The following PTGER1 variants were observed in gnomAD, a reference collection of about 807,000 sequenced individuals.
The protein encoded by PTGER1 is prostaglandin E receptor 1.
In PTGER1, 15 loss-of-function variants were observed where a neutral mutation model predicts 18.5. The observed-to-expected ratio is 0.81, with a 90% confidence interval of 0.54 to 1.25. The LOEUF (loss-of-function observed/expected upper bound fraction) is 1.25. Ranked by LOEUF, PTGER1 falls within the 50% of genes most tolerant of loss-of-function variation. The pLI, the probability that PTGER1 is intolerant of heterozygous loss-of-function variation, is 0.00. For missense variants in PTGER1, 567 were observed against 603.4 expected, an observed-to-expected ratio of 0.94 and a Z score of 0.63; for synonymous variants, 339 against 308.4, an observed-to-expected ratio of 1.10 and a Z score of -1.04.
Position 14,472,613 on chromosome 19 carries a change from A to G in PTGER1, c.1156T>C (p.Trp386Arg). ...PAGLGLTPSA[W>R]EASSLRSSRH... ...GAGCTGCGCAGCGAGCTGGCCTCCC[A>G]GGCGCTCGGTGTTAGGCCCAGCCCC... is the stretch of plus-strand genomic sequence containing the variant. Residue 386 changes from tryptophan (W) to arginine (R), a missense_variant, in exon 3 of 3, where the codon TGG (tryptophan) becomes CGG (arginine). Trp to Arg is a moderately radical substitution (Grantham distance 101). Transcript: ENST00000292513. The G allele has an allele frequency of 6.2e-7, 1 of 1,601,606 alleles. No individual in the cohort carries two copies.
chr19:14,474,316 C>T lies in PTGER1; in HGVS notation c.5G>A (p.Ser2Asn), dbSNP rs776465695. The part of the protein sequence containing the change: M[S>N]PCGPLNLSLA... ...GCTCAGGTTGAGGGGCCCGCAAGGG[C>T]TCATGTCAGGCGCCAGGGGTGCTGG... Residue 2 changes from serine (S) to asparagine (N), a missense_variant, in exon 2 of 3, where the codon AGC becomes AAC. Coordinates refer to ENST00000292513, the MANE Select transcript of PTGER1 (RefSeq NM_000955.3). The surrounding 1 kb of genome is among the most constrained non-coding windows in gnomAD (Gnocchi z 5.4). The T allele has an allele frequency of 6.6e-7, 1 of 1,525,770 alleles. No homozygotes were observed. The highest frequency in any genetic ancestry group is 1.4e-5 in the African/African-American group (1 of 71,886). The allele number at this position is 1,525,770 out of a possible 1,614,324, so 94.5% of individuals were successfully genotyped here.
rs968396650 is a variant in PTGER1, at chr19:14,474,514, C to G, written c.-17-177G>C. On this transcript the variant is annotated intron_variant, in intron 1 of 2. Transcript: ENST00000292513. The surrounding 1 kb of genome is among the most constrained non-coding windows in gnomAD (Gnocchi z 5.4). Reference sequence around the variant, plus strand: ...TGACCTGGCCACTCCATTTGGAAACCCTTCTCCCTCTCTTTTGCCTCTCAC... The same window carrying G: ...TGACCTGGCCACTCCATTTGGAAACGCTTCTCCCTCTCTTTTGCCTCTCAC... 2.6e-5 allele frequency among the ~76,000 whole-genome samples: 4 copies of G among 152,072 alleles called. No individual in the cohort carries two copies. The highest frequency in any genetic ancestry group is 7.2e-5 in the African/African-American group (3 of 41,396).
chr19:14,474,387 G>C lies in PTGER1; in HGVS notation c.-17-50C>G. 7.0e-7 allele frequency: 1 copy of C among 1,425,294 alleles called. No homozygotes were observed. The allele number at this position is 1,425,294 out of a possible 1,614,324, so 88.3% of individuals were successfully genotyped here. On this transcript the variant is annotated intron_variant, in intron 1 of 2. Coordinates refer to ENST00000292513, the MANE Select transcript of PTGER1 (RefSeq NM_000955.3). This position sits in a 1 kb window ranked among gnomAD's most constrained non-coding sequence, Gnocchi z 5.4. ...GTGAGGCTGGCTGGGCCCGGGCGGG[G>C]ACCAGCCCACGGTGCCATCTCAGAA...
At position 14,474,284 on chromosome 19, in the gene PTGER1, CCG is replaced by C; in HGVS notation, c.35_36del (p.Ala12GlyfsTer168). On this transcript the variant is annotated frameshift_variant, in exon 2 of 3. Coordinates refer to ENST00000292513, the MANE Select transcript of PTGER1 (RefSeq NM_000955.3). LOFTEE classifies it high-confidence loss of function. The surrounding 1 kb of genome is among the most constrained non-coding windows in gnomAD (Gnocchi z 5.4). ...GGCGCCGCGCATGTGGTCGCCTCGC[CCG>C]CCAGGCTCAGGTTGAGGGGCCCGCA... Reference protein sequence around the residue: ...SPCGPLNLSLAGEATTCAAPW... With the variant: ...SPCGPLNLSLXGEATTCAAPW... The C allele has an allele frequency of 6.5e-7, 1 of 1,531,012 alleles. No homozygotes were observed. Among genetic ancestry groups the C allele is most frequent in the African/African-American group, 1.4e-5 (1 of 72,504 alleles). The allele number at this position is 1,531,012 out of a possible 1,614,324, so 94.8% of individuals were successfully genotyped here. A position where few individuals can be genotyped will look rare whatever the true frequency, so the allele number is the denominator to read the frequency against.
chr19:14,472,586 G>C lies in PTGER1; in HGVS notation c.1183C>G (p.Arg395Gly), dbSNP rs750644173. 6.3e-7 allele frequency: 1 copy of C among 1,593,628 alleles called. No individual in the cohort carries two copies. The highest frequency in any genetic ancestry group is 2.2e-5 in the East Asian group (1 of 44,500). Residue 395 changes from arginine to glycine, a missense_variant, in exon 3 of 3, where the codon CGG becomes GGG. Physicochemically the swap from Arg to Gly is moderately radical, Grantham distance 125 (BLOSUM62 -2). Coordinates refer to ENST00000292513, the MANE Select transcript of PTGER1 (RefSeq NM_000955.3). ...AWEASSLRSS[R>G]HSGLSHF ...TAGAAGTGGCTGAGGCCGCTGTGCC[G>C]GGAGCTGCGCAGCGAGCTGGCCTCC...
chr19:14,473,586 T>C lies in PTGER1; in HGVS notation c.735A>G (p.Ser245=). 6.7e-7 allele frequency: 1 copy of C among 1,489,442 alleles called. No individual in the cohort carries two copies. The highest frequency in any genetic ancestry group is 8.9e-7 in the Non-Finnish European group (1 of 1,128,318). The allele number at this position is 1,489,442 out of a possible 1,614,324, so 92.3% of individuals were successfully genotyped here. ...CCCAGCGACGCCGGCTGTCGGGGCC[T>C]GAGGCCGGGGGAGGCCGTCGGGAGC... ...RRRSRRPPPA[S]GPDSRRRWGA... is the part of the protein sequence containing the mutation. Residue 245 remains serine, a synonymous_variant, in exon 2 of 3, where the codon TCA becomes TCG. Transcript: ENST00000292513. This position sits in a 1 kb window ranked among gnomAD's most constrained non-coding sequence, Gnocchi z 7.1.
In PTGER1 at chr19:14,472,493, G is replaced by C; in HGVS notation, c.*67C>G. On this transcript the variant is annotated 3_prime_UTR_variant, in exon 3 of 3. Coordinates refer to ENST00000292513, the MANE Select transcript of PTGER1 (RefSeq NM_000955.3). The stretch of plus-strand genomic sequence containing the variant: ...GCAGAATGGCTTTTTATTCCCAAAG[G>C]CTCTGCGCCGCGCACCTGGGCCCAG... The C allele has an allele frequency of 9.6e-6, 14 of 1,464,324 alleles. No individual in the cohort carries two copies. The highest frequency in any genetic ancestry group is 2.8e-5 in the South Asian group (2 of 70,892). The allele number at this position is 1,464,324 out of a possible 1,614,324, so 90.7% of individuals were successfully genotyped here. A position where few individuals can be genotyped will look rare whatever the true frequency, so the allele number is the denominator to read the frequency against.
Position 14,473,370 on chromosome 19 carries a change from G to A in PTGER1, c.942+9C>T, listed in dbSNP as rs1325066197. ...GGAGCGTGGCTCGAGGGGCCGGTGC[G>A]CCCCTCACCAGCATTGGGCTCCAGC... On this transcript the variant is annotated intron_variant, in intron 2 of 2. Coordinates refer to ENST00000292513, the MANE Select transcript of PTGER1 (RefSeq NM_000955.3). This position sits in a 1 kb window ranked among gnomAD's most constrained non-coding sequence, Gnocchi z 7.1. 10 of 1,567,266 alleles carry A rather than the reference G, an allele frequency of 6.4e-6. No individual in the cohort carries two copies. Among genetic ancestry groups the A allele is most frequent in the East Asian group, 2.4e-5 (1 of 41,458 alleles).
At position 14,473,561 on chromosome 19, in the gene PTGER1, C is replaced by T; in HGVS notation, c.760G>A (p.Gly254Arg). ...ASGPDSRRRW[G>R]AHGPRSASAS... ...GAGGCCGAGCGGGGTCCGTGCGCCC[C>T]CCAGCGACGCCGGCTGTCGGGGCCT... Residue 254 changes from glycine (G) to arginine (R), a missense_variant, in exon 2 of 3, where the codon GGG (glycine) becomes AGG (arginine). Physicochemically the swap from Gly to Arg is moderately radical, Grantham distance 125. Transcript: ENST00000292513. This position sits in a 1 kb window ranked among gnomAD's most constrained non-coding sequence, Gnocchi z 7.1. The T allele has an allele frequency of 6.6e-7, 1 of 1,513,398 alleles. No homozygotes were observed. Among genetic ancestry groups the T allele is most frequent in the Non-Finnish European group, 8.8e-7 (1 of 1,137,410 alleles). The allele number at this position is 1,513,398 out of a possible 1,614,324, so 93.7% of individuals were successfully genotyped here.
Position 14,473,527 on chromosome 19 carries a change from G to C in PTGER1, c.794C>G (p.Ser265Cys). The change falls in exon 2 of 3, where the codon TCC (serine) becomes TGC (cysteine). Residue 265 changes from serine to cysteine, a missense_variant. Coordinates refer to ENST00000292513, the MANE Select transcript of PTGER1 (RefSeq NM_000955.3). This position sits in a 1 kb window ranked among gnomAD's most constrained non-coding sequence, Gnocchi z 7.1. Reference protein sequence around the residue: ...AHGPRSASASSASSIASASTF... With the variant: ...AHGPRSASASCASSIASASTF... The stretch of plus-strand genomic sequence containing the variant: ...GGAGGCCGAAGCGATGGACGAGGCG[G>C]ACGAGGCGGAGGCCGAGCGGGGTCC... 2 of 1,561,462 alleles carry C rather than the reference G, an allele frequency of 1.3e-6. No homozygotes were observed. The highest frequency in any genetic ancestry group is 1.7e-6 in the Non-Finnish European group (2 of 1,158,682).
chr19:14,474,397 C>T lies in PTGER1; in HGVS notation c.-17-60G>A, dbSNP rs2071596254. The T allele has an allele frequency of 2.1e-5, 30 of 1,401,122 alleles. No individual in the cohort carries two copies. The South Asian group carries it at 4.0e-4, about 19-fold the overall frequency. 86.8% of individuals were successfully genotyped at this position (1,401,122 alleles called of 1,614,324 possible). A position where few individuals can be genotyped will look rare whatever the true frequency, so the allele number is the denominator to read the frequency against. ...CTGGGCCCGGGCGGGGACCAGCCCA[C>T]GGTGCCATCTCAGAACATCAGGGCC... is the stretch of plus-strand genomic sequence containing the variant. On this transcript the variant is annotated intron_variant, in intron 1 of 2. Transcript: ENST00000292513. The surrounding 1 kb of genome is among the most constrained non-coding windows in gnomAD (Gnocchi z 5.4).
chr19:14,474,020 C>T lies in PTGER1; in HGVS notation c.301G>A (p.Ala101Thr). ...PGALVLRLYT[A>T]GRAPAGGACH... The stretch of plus-strand genomic sequence containing the variant: ...GCCCCGCCGGCCGGAGCGCGCCCCG[C>T]AGTGTACAGACGCAGCACCAGCGCG... Residue 101 changes from alanine to threonine, a missense_variant, in exon 2 of 3, where the codon GCG becomes ACG. By Grantham distance (58) the Ala-to-Thr change is moderately conservative. Transcript: ENST00000292513. This position sits in a 1 kb window ranked among gnomAD's most constrained non-coding sequence, Gnocchi z 5.4. 1 of 1,501,872 alleles carries T rather than the reference C, an allele frequency of 6.7e-7. No homozygotes were observed. The highest frequency in any genetic ancestry group is 2.7e-5 in the East Asian group (1 of 36,460). 93.0% of individuals were successfully genotyped at this position (1,501,872 alleles called of 1,614,324 possible).
At position 14,472,631 on chromosome 19, in the gene PTGER1, C is replaced by T. The variant is rs2071575999; in HGVS notation, c.1138G>A (p.Gly380Ser). ...AGAKGGPAGL[G>S]LTPSAWEASS... ...GCCTCCCAGGCGCTCGGTGTTAGGC[C>T]CAGCCCCGCGGGGCCGCCCTTGGCT... The change falls in exon 3 of 3, where the codon GGC (glycine) becomes AGC (serine). Residue 380 changes from glycine to serine, a missense_variant. Transcript: ENST00000292513. 1.2e-6 allele frequency: 2 copies of T among 1,606,080 alleles called. No homozygotes were observed. The highest frequency in any genetic ancestry group is 2.7e-5 in the African/African-American group (2 of 74,826).
At position 14,475,273 on chromosome 19, in the gene PTGER1, T is replaced by G. The variant is rs2071601194; in HGVS notation, c.-29A>C. On this transcript the variant is annotated 5_prime_UTR_variant, in exon 1 of 3. Coordinates refer to ENST00000292513, the MANE Select transcript of PTGER1 (RefSeq NM_000955.3). ...TGCAACCCCCTTACCCGGCACTGCC[T>G]GGGATGTGGGGTCCCCATCACCGGC... The G allele has an allele frequency of 6.6e-6, 1 of 152,400 alleles. No individual in the cohort carries two copies. The highest frequency in any genetic ancestry group is 1.5e-5 in the Non-Finnish European group (1 of 68,168). The allele number at this position is 152,400 out of a possible 1,614,324, so 9.4% of individuals were successfully genotyped here. A position where few individuals can be genotyped will look rare whatever the true frequency, so the allele number is the denominator to read the frequency against.
rs2071595891 is a variant in PTGER1, at chr19:14,474,343, TAGAGG to T, written c.-17-11_-17-7del. On this transcript the variant is annotated splice_polypyrimidine_tract_variant and splice_region_variant and intron_variant, in intron 1 of 2. Transcript: ENST00000292513. This position sits in a 1 kb window ranked among gnomAD's most constrained non-coding sequence, Gnocchi z 5.4. ...CATGTCAGGCGCCAGGGGTGCTGGATAGAGGAGAGGAGGGCAGAGTGAGGCTGGCT... is the reference window on the plus strand; with the variant it reads ...CATGTCAGGCGCCAGGGGTGCTGGATAGAGGAGGGCAGAGTGAGGCTGGCT... 1.3e-6 allele frequency: 2 copies of T among 1,501,566 alleles called. No homozygotes were observed. The highest frequency in any genetic ancestry group is 1.2e-5 in the South Asian group (1 of 81,372). 93.0% of individuals were successfully genotyped at this position (1,501,566 alleles called of 1,614,324 possible). A position where few individuals can be genotyped will look rare whatever the true frequency, so the allele number is the denominator to read the frequency against.
chr19:14,472,521 C>T lies in PTGER1; in HGVS notation c.*39G>A, dbSNP rs1568355042. ...CTGCGCCGCGCACCTGGGCCCAGCC[C>T]AGGGTGGGCTGGCTTAGTCGTTGGG... On this transcript the variant is annotated 3_prime_UTR_variant, in exon 3 of 3. Transcript: ENST00000292513. 1 of 1,508,288 alleles carries T rather than the reference C, an allele frequency of 6.6e-7. No homozygotes were observed. Among genetic ancestry groups the T allele is most frequent in the Non-Finnish European group, 8.8e-7 (1 of 1,136,216 alleles). 93.4% of individuals were successfully genotyped at this position (1,508,288 alleles called of 1,614,324 possible).
rs1450934110 is a variant in PTGER1, at chr19:14,473,781, C to T, written c.540G>A (p.Glu180=). 2 of 1,436,338 alleles carry T rather than the reference C, an allele frequency of 1.4e-6. No individual in the cohort carries two copies. The highest frequency in any genetic ancestry group is 3.0e-5 in the African/African-American group (2 of 67,372). 89.0% of individuals were successfully genotyped at this position (1,436,338 alleles called of 1,614,324 possible). ...AGCACCACGTGCCCGGGTACTGCAG[C>T]TCATAGCGGCCCACGCGCGCCAGCG... ...LLPLARVGRY[E]LQYPGTWCFI... is the part of the protein sequence containing the mutation. The change falls in exon 2 of 3, where the codon GAG becomes GAA. Residue 180 remains glutamate, a synonymous_variant. Transcript: ENST00000292513. The surrounding 1 kb of genome is among the most constrained non-coding windows in gnomAD (Gnocchi z 7.1).
Position 14,473,232 on chromosome 19 carries a change from G to T in PTGER1, c.942+147C>A, listed in dbSNP as rs2146449337. 2.9e-6 allele frequency: 4 copies of T among 1,399,106 alleles called. No homozygotes were observed. In the East Asian group the frequency reaches 1.0e-4, roughly 36 times the overall value. 86.7% of individuals were successfully genotyped at this position (1,399,106 alleles called of 1,614,324 possible). On this transcript the variant is annotated intron_variant, in intron 2 of 2. Transcript: ENST00000292513. This position sits in a 1 kb window ranked among gnomAD's most constrained non-coding sequence, Gnocchi z 7.1. ...AGGTCAGATGGAGAAGGCGATGCTG[G>T]CTTTCGGGGCAGGTGGGGCCTCTAG...
rs764482180 is a variant in PTGER1 at position 14,472,685 on chromosome 19, G to T, written c.1084C>A (p.Leu362Met). ...ILLRQAVLRQ[L>M]LRLLPPRAGA... Reference sequence around the variant, plus strand: ...GCCCTCGGGGGCAAGAGGCGAAGCAGTTGGCGCAGCACGGCCTGGCGCAGT... The same window carrying T: ...GCCCTCGGGGGCAAGAGGCGAAGCATTTGGCGCAGCACGGCCTGGCGCAGT... The change falls in exon 3 of 3, where the codon CTG (leucine) becomes ATG (methionine). Residue 362 changes from leucine (L) to methionine (M), a missense_variant. Physicochemically the swap from Leu to Met is conservative, Grantham distance 15. Coordinates refer to ENST00000292513, the MANE Select transcript of PTGER1 (RefSeq NM_000955.3). 10 of 1,611,956 alleles carry T rather than the reference G, an allele frequency of 6.2e-6. No individual in the cohort carries two copies. The highest frequency in any genetic ancestry group is 8.5e-6 in the Non-Finnish European group (10 of 1,179,262).
Sources: gnomAD v4.1 joint callset for allele counts (sites outside exome capture counted in the v4.1 genomes callset) on GRCh38, gnomAD v4.1.1 for gene constraint, Gnocchi (gnomAD v3.1) non-coding constraint, MANE v1.5 for transcripts, NCBI Gene and HGNC (gene_info 2026-07-23, HGNC 2026-07-21) for gene names.